Variants in CAMSAP3 observed in about 807,000 individuals in gnomAD.
CAMSAP3 encodes the protein calmodulin-regulated spectrin-associated protein 3.
Under a neutral mutation model 112.5 loss-of-function variants are expected in CAMSAP3, and 34 were observed. That is an observed-to-expected ratio of 0.30 (90% CI 0.23 to 0.40). The LOEUF (loss-of-function observed/expected upper bound fraction) is 0.40. Among genes scored for constraint, CAMSAP3 ranks in the 10% least tolerant of loss-of-function variants. CAMSAP3 has a pLI of 1.00. For synonymous variants in CAMSAP3, 868 were observed against 799.8 expected, an observed-to-expected ratio of 1.09 and a Z score of -1.44; for missense variants, 1,602 against 1,770.3, an observed-to-expected ratio of 0.90 and a Z score of 1.71.
chr19:7,616,157 A>G (rs2030776875), intron 13 of CAMSAP3, among the ~76,000 whole-genome samples: 1 of 151,084 alleles, frequency 6.6e-6, no homozygotes, highest in African/African-American at 2.4e-5. Context: ...ACTGTACTCC[A>G]GCCTGGGCAA....
rs746182337 is a variant in CAMSAP3, at chr19:7,615,509, G to A, written c.2902G>A (p.Glu968Lys). 3.9e-6 allele frequency: 6 copies of A among 1,538,744 alleles called. No homozygotes were observed. In the African/African-American group the frequency reaches 8.3e-5, roughly 21 times the overall value. The change falls in exon 13 of 17, where the codon GAG becomes AAG. Residue 968 changes from glutamate (E) to lysine (K), a missense_variant. Physicochemically the swap from Glu to Lys is moderately conservative, Grantham distance 56. Transcript: ENST00000160298. This position sits in a 1 kb window ranked among gnomAD's most constrained non-coding sequence, Gnocchi z 6.5. ...CCCTGCTGCCCGGGCTCCAGCCGAG[G>A]AGGAGGTGGGCCCCCGGAAGGGGGA... ...PAPAARAPAE[E>K]EVGPRKGDFT... is the part of the protein sequence containing the mutation.
In CAMSAP3 at chr19:7,607,862, C is replaced by A; in HGVS notation, c.622-264C>A. 2 of 1,317,854 alleles carry A rather than the reference C, an allele frequency of 1.5e-6. No homozygotes were observed. Among genetic ancestry groups the A allele is most frequent in the Non-Finnish European group, 2.1e-6 (2 of 955,114 alleles). 81.6% of individuals were successfully genotyped at this position (1,317,854 alleles called of 1,614,324 possible). The stretch of plus-strand genomic sequence containing the variant: ...GTTTGAAGGAGTCGGGGAGCAAACC[C>A]CCCATGGTAATGTATCCCCCGCCCC... On this transcript the variant is annotated intron_variant, in intron 4 of 16. Coordinates refer to ENST00000160298, the MANE Select transcript of CAMSAP3 (RefSeq NM_020902.2). The surrounding 1 kb of genome is among the most constrained non-coding windows in gnomAD (Gnocchi z 4.9).
intron 13 of CAMSAP3, among the ~76,000 whole-genome samples, chr19:7,616,074 C>A (rs1040577465): frequency 6.6e-6 from 1 of 151,956 alleles, no homozygotes; most frequent in African/African-American, 2.4e-5. Context: ...GTAGTCCCAG[C>A]TACTTGGGAG....
In CAMSAP3 at chr19:7,615,740, G is replaced by A. The variant is rs1429249815; in HGVS notation, c.3112+21G>A. ...GCTGGGTGAGGACCCTTGGGGGACG[G>A]GGCCTGCCCAGTGCCCTTTCCGGGG... On this transcript the variant is annotated intron_variant, in intron 13 of 16. Transcript: ENST00000160298. The surrounding 1 kb of genome is among the most constrained non-coding windows in gnomAD (Gnocchi z 6.5). 9 of 1,381,570 alleles carry A rather than the reference G, an allele frequency of 6.5e-6. No individual in the cohort carries two copies. In the East Asian group the frequency reaches 1.8e-4, roughly 27 times the overall value. The allele number at this position is 1,381,570 out of a possible 1,614,324, so 85.6% of individuals were successfully genotyped here.
chr19:7,597,310 G>A (rs1474643070), intron 1 of CAMSAP3, among the ~76,000 whole-genome samples: 1 of 152,116 alleles, frequency 6.6e-6, no homozygotes, highest in Non-Finnish European at 1.5e-5. Context: ...CCACTCTGGG[G>A]TCTACCTCCC....
At position 7,605,965 on chromosome 19, in the gene CAMSAP3, A is replaced by G. The variant is rs891302901; in HGVS notation, c.403-306A>G. ...CTTCCCATCAAGCCTGGCCCCTCCC[A>G]TCAAACCCAGCTCCCCAAAAAGGCG... On this transcript the variant is annotated intron_variant, in intron 2 of 16. Coordinates refer to ENST00000160298, the MANE Select transcript of CAMSAP3 (RefSeq NM_020902.2). 2.4e-4 allele frequency among the ~76,000 whole-genome samples: 36 copies of G among 150,314 alleles called. 1 individual carries two copies. Among genetic ancestry groups the G allele is most frequent in the African/African-American group, 8.8e-4 (36 of 40,712 alleles).
chr19:7,601,711 C>T (rs545212350), intron 1 of CAMSAP3, among the ~76,000 whole-genome samples: 1 of 133,102 alleles, frequency 7.5e-6, no homozygotes, highest in East Asian at 2.1e-4. Flanking sequence ...GACCCCATCT[C>T]TAAAATAAAA....
rs1371204605 is a variant in CAMSAP3, at chr19:7,612,385, G to A, written c.1892G>A (p.Arg631Gln). 2 of 1,598,538 alleles carry A rather than the reference G, an allele frequency of 1.3e-6. No individual in the cohort carries two copies. The highest frequency in any genetic ancestry group is 2.3e-5 in the East Asian group (1 of 44,246). ...GCCATATTCGCCAAGCACCGCCAGCGGCTGGGCAAAAGCGCCTTCCTGCAG... is the reference window on the plus strand; with the variant it reads ...GCCATATTCGCCAAGCACCGCCAGCAGCTGGGCAAAAGCGCCTTCCTGCAG... The part of the protein sequence containing the change: ...IEAIFAKHRQ[R>Q]LGKSAFLQVQ... Residue 631 changes from arginine (R) to glutamine (Q), a missense_variant, in exon 11 of 17, where the codon CGG becomes CAG. Arg to Gln is a conservative substitution (Grantham distance 43). This residue lies in a region of CAMSAP3 where 1,100 missense variants were observed against 1,135.7 expected (regional missense o/e 0.97). Coordinates refer to ENST00000160298, the MANE Select transcript of CAMSAP3 (RefSeq NM_020902.2).
At chr19:7,603,306 C>A (rs1321535128) in intron 1 of CAMSAP3, among the ~76,000 whole-genome samples, 1 of 151,824 alleles carries the variant, frequency 6.6e-6, no homozygotes, top group Non-Finnish European at 1.5e-5. Context: ...CCTCTGCCTC[C>A]CAGATTTAAG....
At chr19:7,616,934 C>CTTTTTTTTTTTTTTTTTT (rs545769780) in intron 14 of CAMSAP3, among the ~76,000 whole-genome samples, 22 of 83,038 alleles carry the variant, frequency 2.6e-4, no homozygotes, top group African/African-American at 9.4e-4. Context: ...TGTGGCCCGC[C>CTTTTTTTTTTTTTTTTTT]TTTTTTTTTT....
At position 7,615,378 on chromosome 19, in the gene CAMSAP3, C is replaced by CCCGTGAGCGGTTCTGATG; in HGVS notation, c.2811-36_2811-19dup. On this transcript the variant is annotated intron_variant, in intron 12 of 16. Coordinates refer to ENST00000160298, the MANE Select transcript of CAMSAP3 (RefSeq NM_020902.2). This position sits in a 1 kb window ranked among gnomAD's most constrained non-coding sequence, Gnocchi z 6.5. ...CCTTGGCCTGTCTGCCACCGCGGAC[C>CCCGTGAGCGGTTCTGATG]CCGTGAGCGGTTCTGATGCCGATTC... The CCCGTGAGCGGTTCTGATG allele has an allele frequency of 6.5e-7, 1 of 1,535,402 alleles. No individual in the cohort carries two copies. The highest frequency in any genetic ancestry group is 8.8e-7 in the Non-Finnish European group (1 of 1,139,710).
At position 7,615,255 on chromosome 19, in the gene CAMSAP3, G is replaced by C. The variant is rs1407218828; in HGVS notation, c.2743G>C (p.Glu915Gln). 1 of 1,550,880 alleles carries C rather than the reference G, an allele frequency of 6.4e-7. No homozygotes were observed. The highest frequency in any genetic ancestry group is 2.4e-5 in the East Asian group (1 of 41,072). The change falls in exon 12 of 17, where the codon GAG (glutamate) becomes CAG (glutamine). Residue 915 changes from glutamate to glutamine, a missense_variant. Physicochemically the swap from Glu to Gln is conservative, Grantham distance 29. This residue lies in a region of CAMSAP3 where 1,100 missense variants were observed against 1,135.7 expected (regional missense o/e 0.97). Transcript: ENST00000160298. This position sits in a 1 kb window ranked among gnomAD's most constrained non-coding sequence, Gnocchi z 6.5. The part of the protein sequence containing the change: ...SLLERQQRRA[E>Q]EARRRKQWQE... ...GCTGGAGCGGCAGCAGCGGCGAGCAGAGGAGGCGCGGCGGCGCAAGCAGTG... is the reference window on the plus strand; with the variant it reads ...GCTGGAGCGGCAGCAGCGGCGAGCACAGGAGGCGCGGCGGCGCAAGCAGTG...
chr19:7,614,702 C>T (rs1401725554), intron 11 of CAMSAP3: 3 of 193,058 alleles, frequency 1.6e-5, no homozygotes, highest in South Asian at 9.6e-5. Flanking sequence ...CACACTGGCC[C>T]CCTTGTACTT....
chr19:7,597,907 A>T (rs1215463687), intron 1 of CAMSAP3, among the ~76,000 whole-genome samples: 1 of 152,140 alleles, frequency 6.6e-6, no homozygotes, highest in Non-Finnish European at 1.5e-5. Flanking sequence ...TGTGTGACAC[A>T]CGGCAGTGGC....
Position 7,616,553 on chromosome 19 carries a change from C to A in CAMSAP3, c.3143C>A (p.Ser1048Tyr). 1 of 1,613,344 alleles carries A rather than the reference C, an allele frequency of 6.2e-7. No homozygotes were observed. The highest frequency in any genetic ancestry group is 8.5e-7 in the Non-Finnish European group (1 of 1,179,842). Residue 1048 changes from serine (S) to tyrosine (Y), a missense_variant, in exon 14 of 17, where the codon TCC (serine) becomes TAC (tyrosine). By Grantham distance (144) the Ser-to-Tyr change is moderately radical. Coordinates refer to ENST00000160298, the MANE Select transcript of CAMSAP3 (RefSeq NM_020902.2). Reference protein sequence around the residue: ...GSRLSKIYSQSTLSLSTVANE... With the variant: ...GSRLSKIYSQYTLSLSTVANE... ...CGGCTGAGCAAAATCTATTCCCAGT[C>A]CACCCTGTCACTGTCCACTGTGGCC...
At position 7,615,248 on chromosome 19, in the gene CAMSAP3, G is replaced by T. The variant is rs1366898146; in HGVS notation, c.2736G>T (p.Arg912=). 1 of 1,551,428 alleles carries T rather than the reference G, an allele frequency of 6.4e-7. No homozygotes were observed. Among genetic ancestry groups the T allele is most frequent in the Admixed American group, 2.0e-5 (1 of 51,160 alleles). Residue 912 remains arginine (R), a synonymous_variant, in exon 12 of 17, where the codon CGG becomes CGT. Coordinates refer to ENST00000160298, the MANE Select transcript of CAMSAP3 (RefSeq NM_020902.2). The surrounding 1 kb of genome is among the most constrained non-coding windows in gnomAD (Gnocchi z 6.5). ...KRASLLERQQ[R]RAEEARRRKQ... Reference sequence around the variant, plus strand: ...CCAGCCTGCTGGAGCGGCAGCAGCGGCGAGCAGAGGAGGCGCGGCGGCGCA... The same window carrying T: ...CCAGCCTGCTGGAGCGGCAGCAGCGTCGAGCAGAGGAGGCGCGGCGGCGCA...
At chr19:7,606,762 C>T (rs1452331537) in intron 4 of CAMSAP3, 191 bp downstream of exon 4, 1 of 1,613,842 alleles carries the variant, frequency 6.2e-7, no homozygotes, top group Non-Finnish European at 8.5e-7. Context: ...CTCCTCTCTG[C>T]CTCTCTGGCC....
At chr19:7,604,262 G>A (rs2030097181) in intron 1 of CAMSAP3, among the ~76,000 whole-genome samples, 1 of 151,992 alleles carries the variant, frequency 6.6e-6, no homozygotes, top group East Asian at 1.9e-4. Context: ...TTGGTCCTAC[G>A]TGGATTTCTG....
In CAMSAP3 at chr19:7,615,046, G is replaced by A. The variant is rs2030703740; in HGVS notation, c.2671-137G>A. The A allele has an allele frequency of 9.8e-7, 1 of 1,016,864 alleles. No homozygotes were observed. Among genetic ancestry groups the A allele is most frequent in the African/African-American group, 1.6e-5 (1 of 63,202 alleles). The allele number at this position is 1,016,864 out of a possible 1,614,324, so 63.0% of individuals were successfully genotyped here. On this transcript the variant is annotated intron_variant, in intron 11 of 16. Transcript: ENST00000160298. This position sits in a 1 kb window ranked among gnomAD's most constrained non-coding sequence, Gnocchi z 6.5. ...TAGTGTGGGGCTGTGCATACAGTAGGCACCAACTAAGTGCATTTAGAACAA... is the reference window on the plus strand; with the variant it reads ...TAGTGTGGGGCTGTGCATACAGTAGACACCAACTAAGTGCATTTAGAACAA...
Sources: allele counts gnomAD v4.1 joint callset (sites outside exome capture counted in the v4.1 genomes callset), GRCh38; gene constraint gnomAD v4.1.1; regional missense constraint gnomAD v4.1.1; non-coding constraint Gnocchi (gnomAD v3.1); transcripts MANE v1.5; gene names NCBI Gene and HGNC (gene_info 2026-07-23, HGNC 2026-07-21).